The following TRIM37 variants were observed in gnomAD, a reference collection of about 807,000 sequenced individuals.
TRIM37 encodes the protein E3 ubiquitin-protein ligase TRIM37.
A neutral mutation model predicts 129.8 loss-of-function variants in TRIM37; 80 were observed. The ratio of observed to expected loss-of-function variants is 0.62; its 90% CI spans 0.51 to 0.74. TRIM37 has a LOEUF of 0.74. TRIM37 is among the 30% of genes least tolerant of loss of function. The pLI, the probability that TRIM37 is intolerant of heterozygous loss-of-function variation, is 0.00. For missense variants in TRIM37, 1,054 were observed against 1,176.5 expected (o/e 0.90, Z 1.52); for synonymous variants, 389 against 387.1 (o/e 1.00, Z -0.06).
intron 3 of TRIM37, among the ~76,000 whole-genome samples, chr17:59,088,823 A>G (rs2044014559): frequency 1.3e-5 from 2 of 152,126 alleles, no homozygotes; most frequent in African/African-American, 4.8e-5. Flanking sequence ...ATTAAAACTA[A>G]AAAAATAAAA....
chr17:59,088,038 CA>C, intron 4 of TRIM37: 1 of 593,834 alleles, frequency 1.7e-6, no homozygotes, highest in East Asian at 2.8e-5. Flanking sequence ...TATCATCTAG[CA>C]AAGTACTTTC....
rs891768397 is a variant in TRIM37 at position 59,079,865 on chromosome 17, C to G, written c.505G>C (p.Glu169Gln). 3.1e-6 allele frequency: 5 copies of G among 1,613,782 alleles called. No homozygotes were observed. Among genetic ancestry groups the G allele is most frequent in the Non-Finnish European group, 4.2e-6 (5 of 1,179,888 alleles). Residue 169 changes from glutamate (E) to glutamine (Q), a missense_variant, in exon 7 of 24, where the codon GAA becomes CAA. By Grantham distance (29) the Glu-to-Gln change is conservative (BLOSUM62 2). Around this residue, in one of 3 missense-constraint regions of TRIM37, gnomAD observed 752 missense variants for 870.8 expected, o/e 0.86. Transcript: ENST00000262294. ...SLVQEVERNV[E>Q]AVRNAKDERV... ...TCATCTTTTGCATTTCTTACAGCTT[C>G]TACATTCCTTTCCTAGAAGATAAAG...
At chr17:58,991,490 A>C (rs1339509400) in intron 24 of TRIM37, among the ~76,000 whole-genome samples, 1 of 151,158 alleles carries the variant, frequency 6.6e-6, no homozygotes, top group Non-Finnish European at 1.5e-5. Flanking sequence ...GAGCCGAGAT[A>C]AAAAAAAAGT....
intron 4 of TRIM37, among the ~76,000 whole-genome samples, chr17:59,087,132 G>A (rs147346899): frequency 2.1e-3 from 327 of 152,158 alleles, no homozygotes; most frequent in African/African-American, 7.3e-3. Flanking sequence ...AGTCTCGCTC[G>A]TTACCCAGGC....
intron 12 of TRIM37, among the ~76,000 whole-genome samples, chr17:59,058,160 G>C (rs1299574759): frequency 6.6e-6 from 1 of 152,082 alleles, no homozygotes. Context: ...AAAATCAAAG[G>C]CTATAAAATT....
chr17:59,046,869 G>A (rs2039865579), intron 16 of TRIM37, among the ~76,000 whole-genome samples: 1 of 149,542 alleles, frequency 6.7e-6, no homozygotes, highest in Non-Finnish European at 1.5e-5. Flanking sequence ...AAGTAACCCA[G>A]ATTGGCCAGG....
intron 13 of TRIM37, 117 bp downstream of exon 13, chr17:59,056,758 T>C (rs1345866447): frequency 2.4e-6 from 1 of 420,292 alleles, no homozygotes; most frequent in Admixed American, 3.2e-5. Flanking sequence ...GGTGATAAGG[T>C]TATAGTTAGT....
intron 8 of TRIM37, 129 bp downstream of exon 8, chr17:59,075,518 C>T (rs538356740): frequency 1.9e-5 from 12 of 633,168 alleles, no homozygotes; most frequent in Admixed American, 9.0e-5. Flanking sequence ...GAGCCGAGAT[C>T]GCGCCACTGC....
chr17:59,081,939 AAAAAAAAAAAAAAT>A (rs1408872270), intron 5 of TRIM37, among the ~76,000 whole-genome samples: 1 of 79,278 alleles, frequency 1.3e-5, no homozygotes, highest in African/African-American at 5.5e-5. Flanking sequence ...ATAAAAACCA[AAAAAAAAAAAAAAT>A]AAAAAAAAAA....
intron 2 of TRIM37, among the ~76,000 whole-genome samples, chr17:59,099,577 C>T (rs979083469): frequency 1.3e-5 from 2 of 151,920 alleles, no homozygotes; most frequent in African/African-American, 4.8e-5. Flanking sequence ...GAACAGACCC[C>T]TTACCAAAGA....
At chr17:58,996,766 CAAAAAA>C (rs764978723), downstream of TRIM37, among the ~76,000 whole-genome samples, 1 of 88,454 alleles carries the variant, frequency 1.1e-5, no homozygotes, top group Non-Finnish European at 2.3e-5. Flanking sequence ...GAGACTCCAT[CAAAAAA>C]AAAAAAAAAG....
In TRIM37 at chr17:59,106,479, G is replaced by C. The variant is rs779613026; in HGVS notation, c.-18C>G. 1.9e-6 allele frequency: 3 copies of C among 1,613,436 alleles called. No individual in the cohort carries two copies. The highest frequency in any genetic ancestry group is 2.5e-6 in the Non-Finnish European group (3 of 1,179,804). ...TCATCCATTGCCTCCGGCTCTCGGC[G>C]GGGCCGCTGGCGACCCGCAGGCTCC... is the stretch of plus-strand genomic sequence containing the variant. On this transcript the variant is annotated 5_prime_UTR_variant, in exon 1 of 24. Transcript: ENST00000262294.
At chr17:59,060,394 C>G (rs1393230146) in intron 12 of TRIM37, among the ~76,000 whole-genome samples, 2 of 146,122 alleles carry the variant, frequency 1.4e-5, no homozygotes, top group Admixed American at 1.4e-4. Flanking sequence ...TTCATGTTAG[C>G]TGAAAGCAGA....
At chr17:59,083,853 G>A in intron 5 of TRIM37, 149 bp downstream of exon 5, 1 of 696,462 alleles carries the variant, frequency 1.4e-6, no homozygotes, top group East Asian at 2.7e-5. Flanking sequence ...TGGAATAAAA[G>A]TACAATACCT....
intron 2 of TRIM37, among the ~76,000 whole-genome samples, chr17:59,103,205 G>A (rs1290750227): frequency 6.6e-6 from 1 of 152,174 alleles, no homozygotes; most frequent in Non-Finnish European, 1.5e-5. Context: ...TGAAGAGCAT[G>A]TGACCTCTTT....
chr17:59,053,745 A>G (rs542100170), intron 13 of TRIM37, among the ~76,000 whole-genome samples: 1 of 152,314 alleles, frequency 6.6e-6, no homozygotes, highest in Admixed American at 6.5e-5. Context: ...CTCTTGGTGA[A>G]TAGTTAAACC....
chr17:59,021,263 C>T (rs548749653), intron 19 of TRIM37, among the ~76,000 whole-genome samples: 8 of 152,080 alleles, frequency 5.3e-5, no homozygotes, highest in Non-Finnish European at 1.2e-4. Flanking sequence ...GGCGTGGTGG[C>T]GCATGCCTGT....
chr17:59,066,163 C>T (rs1371737446), intron 9 of TRIM37, among the ~76,000 whole-genome samples: 1 of 152,212 alleles, frequency 6.6e-6, no homozygotes, highest in East Asian at 1.9e-4. Flanking sequence ...CTCCAATTAG[C>T]AGGACCAATG....
the TRIM37 span, among the ~76,000 whole-genome samples, chr17:58,971,254 T>G: frequency 3.3e-5 from 5 of 152,108 alleles, no homozygotes; most frequent in African/African-American, 1.2e-4. Flanking sequence ...AGACATTTTA[T>G]TGGTGGGTGA....
Sources: allele counts gnomAD v4.1 joint callset (sites outside exome capture counted in the v4.1 genomes callset), GRCh38; gene constraint gnomAD v4.1.1; regional missense constraint gnomAD v4.1.1; transcripts MANE v1.5; gene names NCBI Gene and HGNC (gene_info 2026-07-23, HGNC 2026-07-21).